MYO1D: variants seen among roughly 807,000 people sequenced by gnomAD.
MYO1D encodes the protein myosin ID.
In MYO1D, 83 loss-of-function variants were observed where a neutral mutation model predicts 122.0. The ratio of observed to expected loss-of-function variants is 0.68; its 90% CI spans 0.57 to 0.82. The LOEUF (loss-of-function observed/expected upper bound fraction) is 0.82. MYO1D is among the 40% of genes least tolerant of loss of function. The pLI is 0.00. For synonymous variants in MYO1D, 464 were observed against 446.9 expected, an observed-to-expected ratio of 1.04 and a Z score of -0.48; for missense variants, 1,157 against 1,269.5, an observed-to-expected ratio of 0.91 and a Z score of 1.35.
At chr17:32,800,593 C>T (rs776717564) in intron 1 of MYO1D, among the ~76,000 whole-genome samples, 5 of 151,982 alleles carry the variant, frequency 3.3e-5, no homozygotes, top group African/African-American at 7.3e-5. Context: ...TCAACATGTA[C>T]GAAGTTTCAG....
intron 20 of MYO1D, among the ~76,000 whole-genome samples, chr17:32,610,286 G>A (rs1221977009): frequency 2.6e-5 from 4 of 152,180 alleles, no homozygotes; most frequent in African/African-American, 7.2e-5. Context: ...TGCTGTCTAG[G>A]TGGCTTTATC....
chr17:32,530,040 A>C (rs1452968427), intron 21 of MYO1D: 1 of 152,150 alleles, frequency 6.6e-6, no homozygotes. Context: ...GGTTTCGTGG[A>C]GCTCTGTGGT....
At chr17:32,528,609 T>TGTA (rs1236485496) in intron 21 of MYO1D, among the ~76,000 whole-genome samples, 1 of 152,116 alleles carries the variant, frequency 6.6e-6, no homozygotes, top group Non-Finnish European at 1.5e-5. Flanking sequence ...GATGGGATTA[T>TGTA]GTAAGGCTGC....
chr17:32,667,665 T>C (rs781451027), intron 16 of MYO1D, among the ~76,000 whole-genome samples: 3 of 152,244 alleles, frequency 2.0e-5, no homozygotes, highest in African/African-American at 7.2e-5. Flanking sequence ...TATTGGTATG[T>C]GCTTGGTGGA....
At chr17:32,752,841 T>C (rs2089910960) in intron 11 of MYO1D, among the ~76,000 whole-genome samples, 1 of 152,190 alleles carries the variant, frequency 6.6e-6, no homozygotes. Flanking sequence ...ACAACTTCTA[T>C]GGGAAACAGT....
intron 1 of MYO1D, among the ~76,000 whole-genome samples, chr17:32,808,564 G>A (rs2090541349): frequency 6.6e-6 from 1 of 151,984 alleles, no homozygotes; most frequent in Non-Finnish European, 1.5e-5. Context: ...GAATATTTGT[G>A]TCCCACCCCC....
intron 19 of MYO1D, among the ~76,000 whole-genome samples, chr17:32,650,616 G>A (rs1050502115): frequency 1.3e-5 from 2 of 152,050 alleles, no homozygotes; most frequent in African/African-American, 4.8e-5. Flanking sequence ...ATTCTGGGTA[G>A]TTTTTATTGC....
At chr17:32,687,625 G>A (rs2089037135) in intron 16 of MYO1D, among the ~76,000 whole-genome samples, 2 of 152,192 alleles carry the variant, frequency 1.3e-5, no homozygotes, top group African/African-American at 4.8e-5. Flanking sequence ...TTACAGGCGT[G>A]AGCCACTGTG....
intron 20 of MYO1D, among the ~76,000 whole-genome samples, chr17:32,631,823 A>G (rs763855695): frequency 6.6e-6 from 1 of 152,212 alleles, no homozygotes; most frequent in Admixed American, 6.5e-5. Context: ...GTGTCACAAG[A>G]CAGAAATAAA....
At chr17:32,694,733 A>AAT (rs2089150393) in intron 16 of MYO1D, among the ~76,000 whole-genome samples, 1 of 151,362 alleles carries the variant, frequency 6.6e-6, no homozygotes, top group African/African-American at 2.4e-5. Context: ...AAAAAAAAAA[A>AAT]ATTTGCTACT....
chr17:32,702,133 G>C (rs2089255472), intron 16 of MYO1D, among the ~76,000 whole-genome samples: 1 of 152,178 alleles, frequency 6.6e-6, no homozygotes, highest in South Asian at 2.1e-4. Flanking sequence ...CCTGATATAA[G>C]AACAGAAAAA....
chr17:32,651,611 G>A (rs2088390059), intron 19 of MYO1D, among the ~76,000 whole-genome samples: 1 of 149,750 alleles, frequency 6.7e-6, no homozygotes, highest in South Asian at 2.1e-4. Flanking sequence ...GATGTCCACT[G>A]TCTTGAAAAC....
chr17:32,769,697 C>A (rs1016247506), intron 6 of MYO1D, among the ~76,000 whole-genome samples: 1 of 151,400 alleles, frequency 6.6e-6, no homozygotes, highest in Admixed American at 6.6e-5. Context: ...ATAATCATTT[C>A]TGTATGGTAA....
chr17:32,676,198 C>T (rs1171788008), intron 16 of MYO1D, among the ~76,000 whole-genome samples: 1 of 152,024 alleles, frequency 6.6e-6, no homozygotes, highest in Admixed American at 6.6e-5. Flanking sequence ...ACATTAAAGC[C>T]CTCATTTCCA....
At chr17:32,796,172 A>G (rs1432002232) in intron 1 of MYO1D, among the ~76,000 whole-genome samples, 1 of 152,116 alleles carries the variant, frequency 6.6e-6, no homozygotes, top group African/African-American at 2.4e-5. Flanking sequence ...CTTTTCATCC[A>G]TTCCATTTAG....
intron 1 of MYO1D, among the ~76,000 whole-genome samples, chr17:32,866,869 C>A (rs1360456591): frequency 6.6e-6 from 1 of 152,208 alleles, no homozygotes; most frequent in Non-Finnish European, 1.5e-5. Context: ...AAATGAAAGA[C>A]TATCTCTACT....
At position 32,736,061 on chromosome 17, in the gene MYO1D, CT is replaced by C. The variant is rs76959378; in HGVS notation, c.1746+2191del. On this transcript the variant is annotated intron_variant, in intron 14 of 21. Transcript: ENST00000318217. ...ATATTATTTTGTTCTAAATGCAACT[CT>C]TTTTTTTTTTTTCTGCTGTCCTCTA... 4.2e-3 allele frequency among the ~76,000 whole-genome samples: 604 copies of C among 142,268 alleles called. 1 individual carries two copies. Among genetic ancestry groups the C allele is most frequent in the Middle Eastern group, 7.3e-3 (2 of 274 alleles). 93.3% of individuals were successfully genotyped at this position (142,268 alleles called of 152,430 possible).
At chr17:32,709,695 G>A (rs2089351541) in intron 16 of MYO1D, among the ~76,000 whole-genome samples, 2 of 151,892 alleles carry the variant, frequency 1.3e-5, no homozygotes, top group South Asian at 4.2e-4. Context: ...AAACATCTTG[G>A]CAACTGGAAG....
At chr17:32,671,779 T>C (rs1370525105) in intron 16 of MYO1D, among the ~76,000 whole-genome samples, 1 of 152,200 alleles carries the variant, frequency 6.6e-6, no homozygotes, top group Non-Finnish European at 1.5e-5. Flanking sequence ...AGTTAATTCA[T>C]ATGTTAACCT....
Sources: allele counts gnomAD v4.1 joint callset (sites outside exome capture counted in the v4.1 genomes callset), GRCh38; gene constraint gnomAD v4.1.1; transcripts MANE v1.5; gene names NCBI Gene and HGNC (gene_info 2026-07-23, HGNC 2026-07-21).